The following OPCML variants were observed in gnomAD, a reference collection of about 807,000 sequenced individuals.
The protein encoded by OPCML is opioid binding protein/cell adhesion molecule like, also known as opioid-binding protein/cell adhesion molecule.
A neutral mutation model predicts 37.8 loss-of-function variants in OPCML; 13 were observed. The ratio of observed to expected loss-of-function variants is 0.34; its 90% confidence interval spans 0.22 to 0.55. The LOEUF (loss-of-function observed/expected upper bound fraction) is 0.55. OPCML is among the 20% of genes least tolerant of loss of function. The pLI is 0.91. For synonymous variants in OPCML, 176 were observed against 168.8 expected, an observed-to-expected ratio of 1.04 and a Z score of -0.33; for missense variants, 341 against 435.6, an observed-to-expected ratio of 0.78 and a Z score of 1.93.
At chr11:132,677,234 A>G (rs908898114) in intron 2 of OPCML, among the ~76,000 whole-genome samples, 2 of 152,110 alleles carry the variant, frequency 1.3e-5, no homozygotes. Flanking sequence ...AAAACTGATG[A>G]ACAAAATGAA....
At chr11:133,178,754 C>T (rs1396064365) in intron 1 of OPCML, among the ~76,000 whole-genome samples, 2 of 152,060 alleles carry the variant, frequency 1.3e-5, no homozygotes, top group Admixed American at 6.6e-5. Flanking sequence ...GAGGTAGGTG[C>T]TTCCATAGAT....
intron 2 of OPCML, among the ~76,000 whole-genome samples, chr11:132,802,344 C>T (rs1436262196): frequency 6.6e-6 from 1 of 152,170 alleles, no homozygotes; most frequent in Admixed American, 6.5e-5. Flanking sequence ...AACATCAACT[C>T]TGAAGTCCCT....
intron 1 of OPCML, among the ~76,000 whole-genome samples, chr11:132,973,294 A>C (rs1337829745): frequency 6.6e-6 from 1 of 152,138 alleles, no homozygotes; most frequent in East Asian, 1.9e-4. Flanking sequence ...TTCCACCTCC[A>C]AAATCACTTA....
intron 1 of OPCML, among the ~76,000 whole-genome samples, chr11:133,446,386 C>T (rs932179256): frequency 6.6e-6 from 1 of 152,152 alleles, no homozygotes; most frequent in Non-Finnish European, 1.5e-5. Context: ...GTATAACTTA[C>T]ATACCATAAA....
At chr11:132,659,326 G>A (rs902847283) in intron 2 of OPCML, among the ~76,000 whole-genome samples, 2 of 152,156 alleles carry the variant, frequency 1.3e-5, no homozygotes, top group Admixed American at 1.3e-4. Context: ...AGTTGCAAAT[G>A]ACTGATAAGG....
At chr11:132,502,176 G>A (rs1339680145) in intron 4 of OPCML, among the ~76,000 whole-genome samples, 1 of 152,064 alleles carries the variant, frequency 6.6e-6, no homozygotes, top group African/African-American at 2.4e-5. Context: ...CTGCTGACAC[G>A]GGCAGTTTCT....
In OPCML at chr11:132,430,862, G is replaced by A. The variant is rs1219573577; in HGVS notation, c.916+5224C>T. ...GCACGTCGCACTCTCTGCAGTGCCA[G>A]ATGTAATCAAGTCCAGAATCTTCCT... is the stretch of plus-strand genomic sequence containing the variant. On this transcript the variant is annotated intron_variant, in intron 7 of 7. Transcript: ENST00000524381. Among the ~76,000 whole-genome samples the A allele has an allele frequency of 2.0e-5, 3 of 152,174 alleles. No homozygotes were observed. In the East Asian group the frequency reaches 5.8e-4, roughly 29 times the overall value.
chr11:133,007,775 T>G (rs7950100), intron 1 of OPCML: 466,948 of 985,102 alleles, frequency 0.47, 110,869 homozygotes, highest in South Asian at 0.64. Flanking sequence ...ATAGACATTT[T>G]GAATAGTTAG....
chr11:132,598,867 A>T (rs1446709207), intron 3 of OPCML, among the ~76,000 whole-genome samples: 1 of 152,218 alleles, frequency 6.6e-6, no homozygotes, highest in Admixed American at 6.5e-5. Flanking sequence ...CTTTTAAAAA[A>T]TATATTTGGC....
intron 3 of OPCML, among the ~76,000 whole-genome samples, chr11:132,580,818 C>T (rs1228556848): frequency 6.6e-6 from 1 of 152,178 alleles, no homozygotes; most frequent in Admixed American, 6.5e-5. Flanking sequence ...ATTCATTTAA[C>T]CAAATCAATG....
At chr11:132,655,392 C>A (rs1480437912) in intron 3 of OPCML, among the ~76,000 whole-genome samples, 2 of 152,208 alleles carry the variant, frequency 1.3e-5, no homozygotes, top group Non-Finnish European at 2.9e-5. Context: ...CAACAGATAG[C>A]CCAGCTCATC....
chr11:132,752,861 G>A (rs7131394), intron 2 of OPCML, among the ~76,000 whole-genome samples: 12,624 of 152,072 alleles, frequency 0.083, 623 homozygotes, highest in African/African-American at 0.12. Context: ...TCTCTCAGTT[G>A]GCTCTTGTTG....
intron 1 of OPCML, among the ~76,000 whole-genome samples, chr11:133,323,977 T>C (rs1943395015): frequency 6.6e-6 from 1 of 152,352 alleles, no homozygotes; most frequent in South Asian, 2.1e-4. Flanking sequence ...TTCTCTCAAG[T>C]TCTCCATTAC....
At chr11:132,501,262 A>G (rs553762081) in intron 4 of OPCML, among the ~76,000 whole-genome samples, 2 of 152,320 alleles carry the variant, frequency 1.3e-5, no homozygotes, top group African/African-American at 2.4e-5. Context: ...TGTAAAACCT[A>G]AAACCATAAA....
intron 1 of OPCML, among the ~76,000 whole-genome samples, chr11:133,126,626 A>G (rs921176526): frequency 3.3e-5 from 5 of 152,158 alleles, no homozygotes; most frequent in Non-Finnish European, 5.9e-5. Flanking sequence ...TTACAGATAC[A>G]CTTTAAGTCT....
chr11:133,071,361 CAT>C (rs1479642375), intron 1 of OPCML, among the ~76,000 whole-genome samples: 2 of 152,154 alleles, frequency 1.3e-5, no homozygotes, highest in Admixed American at 1.3e-4. Flanking sequence ...TTGTGTAAAA[CAT>C]ATAGATGAGA....
chr11:132,531,134 C>T (rs1270042008), intron 3 of OPCML, among the ~76,000 whole-genome samples: 2 of 152,198 alleles, frequency 1.3e-5, no homozygotes, highest in Non-Finnish European at 2.9e-5. Flanking sequence ...CACATCTCTA[C>T]TCCTCAGTGT....
intron 2 of OPCML, among the ~76,000 whole-genome samples, chr11:132,812,087 C>T (rs1939379626): frequency 6.6e-6 from 1 of 152,150 alleles, no homozygotes; most frequent in African/African-American, 2.4e-5. Flanking sequence ...GCTAACTGTG[C>T]ACCAGCTTCT....
chr11:132,501,581 C>T (rs921567785), intron 4 of OPCML, among the ~76,000 whole-genome samples: 1 of 152,206 alleles, frequency 6.6e-6, no homozygotes, highest in Non-Finnish European at 1.5e-5. Context: ...GACAGTCTTG[C>T]ATGCCAAGAG....
Sources: gnomAD v4.1 joint callset for allele counts (sites outside exome capture counted in the v4.1 genomes callset) on GRCh38, gnomAD v4.1.1 for gene constraint, MANE v1.5 for transcripts, NCBI Gene and HGNC (gene_info 2026-07-23, HGNC 2026-07-21) for gene names.